The following ALK variants were observed in gnomAD, a reference collection of about 807,000 sequenced individuals.
ALK encodes ALK receptor tyrosine kinase.
ALK carries 74 observed loss-of-function variants against 163.1 expected under a neutral mutation model. That is an observed-to-expected ratio of 0.45 (90% CI 0.38 to 0.55). The LOEUF (loss-of-function observed/expected upper bound fraction) is 0.55, where lower values mean the gene tolerates loss of function less well. ALK is among the 20% of genes least tolerant of loss of function. ALK has a pLI of 0.00. For missense variants in ALK, 2,063 were observed against 2,105.3 expected, an observed-to-expected ratio of 0.98 and a Z score of 0.39; for synonymous variants, 960 against 843.2, an observed-to-expected ratio of 1.14 and a Z score of -2.40.
chr2:29,447,584 C>T (rs1285905242), intron 4 of ALK, among the ~76,000 whole-genome samples: 1 of 152,194 alleles, frequency 6.6e-6, no homozygotes, highest in African/African-American at 2.4e-5. Context: ...TGGAGTCAGG[C>T]CCCATCCTTC....
chr2:29,311,093 G>A (rs751261026), intron 8 of ALK, among the ~76,000 whole-genome samples: 2 of 152,236 alleles, frequency 1.3e-5, no homozygotes, highest in African/African-American at 4.8e-5. Flanking sequence ...GGCTTTCTGA[G>A]GTTACTGTCT....
chr2:29,338,661 C>A (rs544895466), intron 5 of ALK, among the ~76,000 whole-genome samples: 1 of 152,230 alleles, frequency 6.6e-6, no homozygotes, highest in Non-Finnish European at 1.5e-5. Context: ...GCATTGCCAG[C>A]TTCTCCCACT....
Position 29,803,262 on chromosome 2 carries a change from T to C in ALK, c.668-85565A>G, listed in dbSNP as rs1420189581. 5.3e-5 allele frequency among the ~76,000 whole-genome samples: 8 copies of C among 152,308 alleles called. No individual in the cohort carries two copies. In the East Asian group the frequency reaches 1.3e-3, roughly 26 times the overall value. Reference sequence around the variant, plus strand: ...CATCAACATGAGCTTCTGAACAACCTAGCCCATTAGGCAGCAGATGTGGGC... The same window carrying C: ...CATCAACATGAGCTTCTGAACAACCCAGCCCATTAGGCAGCAGATGTGGGC... On this transcript the variant is annotated intron_variant, in intron 1 of 28. Transcript: ENST00000389048.
At chr2:29,260,953 T>C (rs1222673060) in intron 11 of ALK, among the ~76,000 whole-genome samples, 1 of 152,212 alleles carries the variant, frequency 6.6e-6, no homozygotes, top group Non-Finnish European at 1.5e-5. Flanking sequence ...TTCTCTATTA[T>C]CCCTTTCCTA....
At chr2:29,749,700 C>T (rs1444416914) in intron 1 of ALK, among the ~76,000 whole-genome samples, 1 of 152,186 alleles carries the variant, frequency 6.6e-6, no homozygotes, top group Non-Finnish European at 1.5e-5. Flanking sequence ...GCATCTCCAA[C>T]CCCCTGAGCC....
intron 9 of ALK, chr2:29,286,735 G>A (rs1386846820): frequency 6.6e-6 from 1 of 152,112 alleles, no homozygotes; most frequent in Admixed American, 6.6e-5. Context: ...ATAAAAATTT[G>A]GGAATGAAAC....
chr2:29,392,841 C>A (rs566875128), intron 4 of ALK, among the ~76,000 whole-genome samples: 1 of 152,310 alleles, frequency 6.6e-6, no homozygotes, highest in African/African-American at 2.4e-5. Context: ...CGTGAAATAC[C>A]CTGTGCCCTC....
chr2:29,870,659 G>A (rs1666555444), intron 1 of ALK, among the ~76,000 whole-genome samples: 1 of 152,138 alleles, frequency 6.6e-6, no homozygotes. Flanking sequence ...TGTGGAACAT[G>A]TAATACAATT....
At position 29,920,085 on chromosome 2, in the gene ALK, T is replaced by C. The variant is rs200564831; in HGVS notation, c.575A>G (p.Glu192Gly). The C allele has an allele frequency of 1.9e-6, 3 of 1,614,168 alleles. No homozygotes were observed. The highest frequency in any genetic ancestry group is 1.7e-5 in the Admixed American group (1 of 60,032). ...TCTGCCCACTTCCGACGCCTTCTTC[T>C]CGGGCATCAGGCGGATCCTCAGTCG... ...EGRLRIRLMP[E>G]KKASEVGREG... Residue 192 changes from glutamate (E) to glycine (G), a missense_variant, in exon 1 of 29, where the codon GAG (glutamate) becomes GGG (glycine). Physicochemically the swap from Glu to Gly is moderately conservative, Grantham distance 98. Around this residue, in one of 5 missense-constraint regions of ALK, gnomAD observed 987 missense variants for 939.5 expected, o/e 1.05. Transcript: ENST00000389048.
intron 3 of ALK, among the ~76,000 whole-genome samples, chr2:29,632,635 C>G (rs1243737003): frequency 2.6e-5 from 4 of 152,090 alleles, no homozygotes; most frequent in Admixed American, 2.6e-4. Flanking sequence ...GAAGAGAGCC[C>G]TCAGCGGAAA....
intron 5 of ALK, among the ~76,000 whole-genome samples, chr2:29,365,240 T>C (rs1219028890): frequency 4.6e-5 from 7 of 152,186 alleles, no homozygotes; most frequent in African/African-American, 1.7e-4. Context: ...ACATGAGAAG[T>C]CATGAGCAGC....
At chr2:29,735,930 G>A (rs1287482771) in intron 1 of ALK, among the ~76,000 whole-genome samples, 1 of 151,954 alleles carries the variant, frequency 6.6e-6, no homozygotes, top group African/African-American at 2.4e-5. Flanking sequence ...TGTGAGAAGG[G>A]ACTAATACAC....
At chr2:29,791,291 T>C (rs1664180300) in intron 1 of ALK, among the ~76,000 whole-genome samples, 1 of 152,176 alleles carries the variant, frequency 6.6e-6, no homozygotes, top group Non-Finnish European at 1.5e-5. Flanking sequence ...CATGGAATAC[T>C]ATGCAGCCAT....
chr2:29,392,454 A>G (rs1304579809), intron 4 of ALK, among the ~76,000 whole-genome samples: 2 of 152,320 alleles, frequency 1.3e-5, no homozygotes, highest in East Asian at 3.9e-4. Flanking sequence ...GAAGAACAGC[A>G]TACTAGCAAA....
At chr2:29,605,882 C>G (rs1675529958) in intron 3 of ALK, among the ~76,000 whole-genome samples, 1 of 152,106 alleles carries the variant, frequency 6.6e-6, no homozygotes, top group Non-Finnish European at 1.5e-5. Context: ...ACCCCTCTGA[C>G]AAAATCAAAG....
rs1229255183 is a variant in ALK at position 29,876,722 on chromosome 2, GATGATGATGGTGGTGATGGTA to G, written c.667+43250_667+43270del. ...TAGTGATGGTGATGGTGGTGATGGTGATGATGATGGTGGTGATGGTAATGATGATGGTGGTGATGGTGATGA... is the reference window on the plus strand; with the variant it reads ...TAGTGATGGTGATGGTGGTGATGGTGATGATGATGGTGGTGATGGTGATGA... On this transcript the variant is annotated intron_variant, in intron 1 of 28. Transcript: ENST00000389048. Among the ~76,000 whole-genome samples, 11 of 149,400 alleles carry G rather than the reference GATGATGATGGTGGTGATGGTA, an allele frequency of 7.4e-5. No individual in the cohort carries two copies. The South Asian group carries it at 8.7e-4, about 12-fold the overall frequency.
chr2:29,326,131 CT>C (rs766639069), intron 6 of ALK, among the ~76,000 whole-genome samples: 1 of 152,158 alleles, frequency 6.6e-6, no homozygotes, highest in Non-Finnish European at 1.5e-5. Context: ...GTCAGAGCCG[CT>C]TTTCAAATGT....
intron 1 of ALK, among the ~76,000 whole-genome samples, chr2:29,906,021 A>G (rs1256320205): frequency 6.6e-6 from 1 of 152,128 alleles, no homozygotes; most frequent in Non-Finnish European, 1.5e-5. Context: ...GCCTACCGCT[A>G]AACTGCAACA....
chr2:29,502,780 A>G (rs1672220599), intron 4 of ALK, among the ~76,000 whole-genome samples: 1 of 152,166 alleles, frequency 6.6e-6, no homozygotes. Context: ...CTCTTTACAC[A>G]GATGGATGGG....
Sources: gnomAD v4.1 joint callset for allele counts (sites outside exome capture counted in the v4.1 genomes callset) on GRCh38, gnomAD v4.1.1 for gene constraint, gnomAD v4.1.1 regional missense constraint, MANE v1.5 for transcripts, NCBI Gene and HGNC (gene_info 2026-07-23, HGNC 2026-07-21) for gene names.